Variants in RANBP2 observed in about 807,000 individuals in gnomAD.
RANBP2 encodes E3 SUMO-protein ligase RanBP2.
In RANBP2, 57 loss-of-function variants were observed where a neutral mutation model predicts 303.6. That is an observed-to-expected ratio of 0.19 (90% confidence interval 0.15 to 0.23). RANBP2 has a LOEUF of 0.23. RANBP2 is among the 10% of genes least tolerant of loss of function. RANBP2 has a pLI of 1.00. For missense variants in RANBP2, 3,138 were observed against 3,780.8 expected (o/e 0.83, Z 4.46); for synonymous variants, 1,167 against 1,301.5 (o/e 0.90, Z 2.23).
At chr2:108,870,629 C>T in the RANBP2 span, among the ~76,000 whole-genome samples, 35 of 152,136 alleles carry the variant, frequency 2.3e-4, no homozygotes, top group African/African-American at 1.2e-4. Flanking sequence ...TATGTACATA[C>T]GGTAGACTAT....
the RANBP2 span, among the ~76,000 whole-genome samples, chr2:109,088,328 C>T: frequency 7.2e-5 from 10 of 138,572 alleles, no homozygotes; most frequent in Non-Finnish European, 1.1e-4. Flanking sequence ...ACCCGGGAGG[C>T]GGAGACCGCA....
At chr2:109,571,668 C>A in the RANBP2 span, among the ~76,000 whole-genome samples, 1 of 152,142 alleles carries the variant, frequency 6.6e-6, no homozygotes, top group Admixed American at 6.5e-5. Context: ...GCAAGACTGT[C>A]CTACACTATT....
chr2:109,501,528 C>T, the RANBP2 span: 1 of 779,216 alleles, frequency 1.3e-6, no homozygotes, highest in Non-Finnish European at 2.4e-6. Context: ...CTCGTACCCA[C>T]CCCAGAGTGA....
At chr2:109,437,754 T>A in the RANBP2 span, among the ~76,000 whole-genome samples, 1 of 151,862 alleles carries the variant, frequency 6.6e-6, no homozygotes, top group South Asian at 2.1e-4. Flanking sequence ...CAGGATGTTG[T>A]GAGATGAAAA....
At chr2:108,841,652 A>T in the RANBP2 span, among the ~76,000 whole-genome samples, 1 of 152,126 alleles carries the variant, frequency 6.6e-6, no homozygotes, top group African/African-American at 2.4e-5. Flanking sequence ...TTTTTTAATT[A>T]AATAGCATAC....
the RANBP2 span, among the ~76,000 whole-genome samples, chr2:109,138,990 G>T: frequency 3.2e-3 from 482 of 152,328 alleles, 10 homozygotes; most frequent in Non-Finnish European, 1.2e-3. Flanking sequence ...GAGACATGAA[G>T]ACAAGGGGCC....
chr2:109,466,783 G>T, the RANBP2 span, among the ~76,000 whole-genome samples: 1 of 149,258 alleles, frequency 6.7e-6, no homozygotes, highest in South Asian at 2.1e-4. Context: ...GTCTATACTT[G>T]TGCATGTGTG....
chr2:108,881,422 CTT>C, the RANBP2 span, among the ~76,000 whole-genome samples: 1 of 152,254 alleles, frequency 6.6e-6, no homozygotes, highest in African/African-American at 2.4e-5. Context: ...ACCACTAAAA[CTT>C]TCTCCTTATC....
chr2:109,577,468 C>T, the RANBP2 span, among the ~76,000 whole-genome samples: 1 of 151,840 alleles, frequency 6.6e-6, no homozygotes, highest in Non-Finnish European at 1.5e-5. Flanking sequence ...TGGCAGGTGC[C>T]TGTATCCCAG....
chr2:109,501,691 C>A, the RANBP2 span: 1 of 743,744 alleles, frequency 1.3e-6, no homozygotes, highest in Admixed American at 1.9e-5. Flanking sequence ...CTCCCTGCAC[C>A]CAGCTCACAG....
chr2:109,172,099 C>G, the RANBP2 span, among the ~76,000 whole-genome samples: 1 of 152,240 alleles, frequency 6.6e-6, no homozygotes, highest in Non-Finnish European at 1.5e-5. Flanking sequence ...CGTCATTTCC[C>G]AGTTCCAGGC....
chr2:109,585,980 T>C, the RANBP2 span: 3 of 614,602 alleles, frequency 4.9e-6, no homozygotes, highest in East Asian at 5.6e-5. Context: ...ATACAAGCGA[T>C]TAAGTAAATT....
the RANBP2 span, among the ~76,000 whole-genome samples, chr2:109,719,452 G>A: frequency 2.0e-5 from 3 of 147,872 alleles, no homozygotes; most frequent in South Asian, 2.2e-4. Context: ...CTGTCGCCAG[G>A]CTGGAGTGCA....
chr2:109,478,454 G>A, the RANBP2 span, among the ~76,000 whole-genome samples: 2 of 152,132 alleles, frequency 1.3e-5, no homozygotes, highest in Non-Finnish European at 2.9e-5. Context: ...TAAGACCTGC[G>A]ATTTGGTTTG....
the RANBP2 span, among the ~76,000 whole-genome samples, chr2:109,492,969 G>A: frequency 2.0e-5 from 3 of 149,342 alleles, no homozygotes; most frequent in East Asian, 2.0e-4. Flanking sequence ...AGGCCCTTGG[G>A]GGACTGGGTT....
the RANBP2 span, among the ~76,000 whole-genome samples, chr2:108,960,123 C>G: frequency 6.6e-6 from 1 of 152,172 alleles, no homozygotes; most frequent in Non-Finnish European, 1.5e-5. Flanking sequence ...ACTGATAGTA[C>G]AGGGTGCTAA....
In RANBP2 at chr2:108,767,637, G is replaced by A. The variant is rs1178984585; in HGVS notation, c.7098G>A (p.Lys2366=). ...AGATTTTACAGAATTATGATAATAAGCAAGTTCGTATAGTGATGAGAAGGG... is the reference window on the plus strand; with the variant it reads ...AGATTTTACAGAATTATGATAATAAACAAGTTCGTATAGTGATGAGAAGGG... ...DIKILQNYDN[K]QVRIVMRRDQ... is the part of the protein sequence containing the mutation. The change falls in exon 20 of 29, where the codon AAG becomes AAA. Residue 2366 remains lysine (K), a synonymous_variant. Transcript: ENST00000283195. The A allele has an allele frequency of 6.2e-7, 1 of 1,611,836 alleles. No individual in the cohort carries two copies.
At chr2:109,075,047 AAAG>A in the RANBP2 span, among the ~76,000 whole-genome samples, 2 of 121,680 alleles carry the variant, frequency 1.6e-5, no homozygotes, top group Non-Finnish European at 3.6e-5. Flanking sequence ...AAAAAAAAAA[AAAG>A]AAGAAGAAGA....
chr2:108,758,836 A>T (rs556704465), intron 18 of RANBP2, among the ~76,000 whole-genome samples: 12 of 152,146 alleles, frequency 7.9e-5, no homozygotes, highest in South Asian at 2.1e-4. Flanking sequence ...AAAAATGTTA[A>T]TGAATAGAGT....
Sources: allele counts gnomAD v4.1 joint callset (sites outside exome capture counted in the v4.1 genomes callset), GRCh38; gene constraint gnomAD v4.1.1; transcripts MANE v1.5; gene names NCBI Gene and HGNC (gene_info 2026-07-23, HGNC 2026-07-21).